SHISAL2B: variants seen among roughly 807,000 people sequenced by gnomAD.
The protein encoded by SHISAL2B is protein shisa-like-2B.
In SHISAL2B, 12 loss-of-function variants were observed where a neutral mutation model predicts 16.5. The observed-to-expected ratio is 0.73, with a 90% CI of 0.47 to 1.18. SHISAL2B has a LOEUF of 1.18. Among genes scored for constraint, SHISAL2B ranks in the 50% most tolerant of loss-of-function variants. The pLI is 0.00. For missense variants in SHISAL2B, 183 were observed against 193.6 expected (o/e 0.95, Z 0.33); for synonymous variants, 72 against 75.0 (o/e 0.96, Z 0.21).
intron 2 of SHISAL2B, among the ~76,000 whole-genome samples, chr5:64,706,909 A>C (rs1741882902): frequency 6.6e-6 from 1 of 152,210 alleles, no homozygotes; most frequent in Admixed American, 6.5e-5. Flanking sequence ...GAAAGAATAA[A>C]AATTAAATTA....
In SHISAL2B at chr5:64,708,972, C is replaced by G. The variant is rs75822849; in HGVS notation, c.350-8917C>G. 6.7e-4 allele frequency among the ~76,000 whole-genome samples: 101 copies of G among 151,272 alleles called. No homozygotes were observed. In the East Asian group the frequency reaches 0.019, roughly 28 times the overall value. On this transcript the variant is annotated intron_variant, in intron 2 of 2. Transcript: ENST00000389074. ...GTGCTTCTAATATTAGCCTAGAGAT[C>G]AATACCATGCATGTTTCAGTCTTAT...
intron 2 of SHISAL2B, among the ~76,000 whole-genome samples, chr5:64,708,828 T>C (rs999121695): frequency 1.1e-4 from 17 of 152,140 alleles, no homozygotes; most frequent in African/African-American, 4.1e-4. Context: ...ATTATACTGA[T>C]TGCATGTTTA....
intron 2 of SHISAL2B, among the ~76,000 whole-genome samples, chr5:64,715,246 A>G (rs1032324494): frequency 1.3e-5 from 2 of 152,122 alleles, no homozygotes; most frequent in African/African-American, 2.4e-5. Flanking sequence ...TAATATGCAA[A>G]GCCAGGAAGT....
chr5:64,717,889 G>C lies in SHISAL2B; in HGVS notation c.350G>C (p.Gly117Ala). 6.6e-7 allele frequency: 1 copy of C among 1,508,048 alleles called. No homozygotes were observed. The highest frequency in any genetic ancestry group is 1.4e-5 in the African/African-American group (1 of 71,090). 93.4% of individuals were successfully genotyped at this position (1,508,048 alleles called of 1,614,324 possible). ...ATTATTTTGTTTTGTGTATCTGCAG[G>C]CAAGTCAAATGGAAAAACCAAAGCC... ...QHLEASSTQE[G>A]KSNGKTKALN... is the part of the protein sequence containing the mutation. Residue 117 changes from glycine to alanine, a missense_variant and splice_region_variant, in exon 3 of 3, where the codon GGC (glycine) becomes GCC (alanine). Gly to Ala is a moderately conservative substitution (Grantham distance 60). Coordinates refer to ENST00000389074, the MANE Select transcript of SHISAL2B (RefSeq NM_001164442.2).
intron 2 of SHISAL2B, among the ~76,000 whole-genome samples, chr5:64,709,181 TC>T (rs531370844): frequency 2.2e-5 from 2 of 91,508 alleles, no homozygotes; most frequent in Non-Finnish European, 4.2e-5. Flanking sequence ...ATGCTATCCC[TC>T]CCCCCTCCCC....
At chr5:64,715,180 G>A (rs898209) in intron 2 of SHISAL2B, among the ~76,000 whole-genome samples, 10,203 of 151,942 alleles carry the variant, frequency 0.067, 1,122 homozygotes, top group African/African-American at 0.23. Context: ...CTTATAGAAA[G>A]GTATCTTTAA....
At chr5:64,700,895 T>G (rs1256406067) in intron 2 of SHISAL2B, among the ~76,000 whole-genome samples, 2 of 152,166 alleles carry the variant, frequency 1.3e-5, no homozygotes, top group Non-Finnish European at 2.9e-5. Flanking sequence ...ACATGCGCAG[T>G]TCACAATAGG....
intron 1 of SHISAL2B, among the ~76,000 whole-genome samples, chr5:64,693,153 G>C (rs1406414950): frequency 6.6e-6 from 1 of 151,884 alleles, no homozygotes; most frequent in Non-Finnish European, 1.5e-5. Context: ...GACTACAGGC[G>C]CCTGCCACCA....
intron 2 of SHISAL2B, among the ~76,000 whole-genome samples, chr5:64,714,381 G>A (rs954297117): frequency 1.4e-5 from 2 of 147,584 alleles, no homozygotes; most frequent in African/African-American, 2.6e-5. Flanking sequence ...CCCACTTGAG[G>A]AGGCAGTCTG....
At chr5:64,699,871 A>G (rs986515444) in intron 2 of SHISAL2B, among the ~76,000 whole-genome samples, 1 of 152,170 alleles carries the variant, frequency 6.6e-6, no homozygotes, top group Non-Finnish European at 1.5e-5. Flanking sequence ...TAAGGCTCCA[A>G]CGTTTGGAAT....
chr5:64,709,835 T>G (rs1175394074), intron 2 of SHISAL2B, among the ~76,000 whole-genome samples: 1 of 152,348 alleles, frequency 6.6e-6, no homozygotes, highest in Non-Finnish European at 1.5e-5. Flanking sequence ...CATAAATGTC[T>G]TCTTTTGAGA....
intron 2 of SHISAL2B, among the ~76,000 whole-genome samples, chr5:64,709,032 C>CTT: frequency 7.3e-6 from 1 of 137,304 alleles, no homozygotes; most frequent in East Asian, 2.1e-4. Context: ...AGACATCTTT[C>CTT]TTTTTTTTTT....
At chr5:64,706,968 T>A (rs568348996) in intron 2 of SHISAL2B, among the ~76,000 whole-genome samples, 2 of 152,260 alleles carry the variant, frequency 1.3e-5, no homozygotes, top group East Asian at 3.9e-4. Flanking sequence ...TATAATTCAG[T>A]CCAAACTGTA....
intron 1 of SHISAL2B, among the ~76,000 whole-genome samples, chr5:64,692,621 T>C (rs1741666522): frequency 6.6e-6 from 1 of 152,184 alleles, no homozygotes; most frequent in Non-Finnish European, 1.5e-5. Context: ...TGAGATTCTA[T>C]AGTGGCAGGA....
intron 2 of SHISAL2B, among the ~76,000 whole-genome samples, chr5:64,712,373 T>G (rs967385380): frequency 6.6e-6 from 1 of 151,436 alleles, no homozygotes; most frequent in Non-Finnish European, 1.5e-5. Flanking sequence ...TAATCCTGAG[T>G]TCTAGTTTGA....
At chr5:64,700,416 G>T (rs553352739) in intron 2 of SHISAL2B, among the ~76,000 whole-genome samples, 1 of 152,196 alleles carries the variant, frequency 6.6e-6, no homozygotes, top group Admixed American at 6.5e-5. Context: ...TTATTTATTT[G>T]TTTATTTATT....
intron 2 of SHISAL2B, among the ~76,000 whole-genome samples, 158 bp downstream of exon 2, chr5:64,695,822 GA>G (rs1741724544): frequency 6.6e-6 from 1 of 152,316 alleles, no homozygotes; most frequent in Admixed American, 6.5e-5. Flanking sequence ...CGTTAATGAT[GA>G]AATACCTTAG....
chr5:64,694,649 C>A (rs1042291188), intron 1 of SHISAL2B, among the ~76,000 whole-genome samples: 6 of 152,118 alleles, frequency 3.9e-5, no homozygotes. Context: ...TGACATTATG[C>A]CCTTTTAGAA....
chr5:64,714,761 C>T (rs942808789), intron 2 of SHISAL2B, among the ~76,000 whole-genome samples: 4 of 152,118 alleles, frequency 2.6e-5, no homozygotes, highest in Non-Finnish European at 5.9e-5. Flanking sequence ...TTTTTTAAGC[C>T]GGTCTGAAAA....
Sources: gnomAD v4.1 joint callset for allele counts (sites outside exome capture counted in the v4.1 genomes callset) on GRCh38, gnomAD v4.1.1 for gene constraint, MANE v1.5 for transcripts, NCBI Gene and HGNC (gene_info 2026-07-23, HGNC 2026-07-21) for gene names.